Variants in SMC1B observed in about 807,000 individuals in gnomAD.
SMC1B encodes the protein structural maintenance of chromosomes protein 1B.
In SMC1B, 60 loss-of-function variants were observed where a neutral mutation model predicts 157.9. That is an observed-to-expected ratio of 0.38 (90% CI 0.31 to 0.47). The LOEUF is 0.47. Among genes scored for constraint, SMC1B ranks in the 20% least tolerant of loss-of-function variants. The probability of loss-of-function intolerance (pLI) is 0.99; values close to 1 mark genes in which losing one functional copy is unlikely to be tolerated. For missense variants in SMC1B, 1,165 were observed against 1,426.2 expected (o/e 0.82, Z 2.95); for synonymous variants, 445 against 483.0 (o/e 0.92, Z 1.03).
At chr22:45,401,740 G>A (rs1052960328) in intron 5 of SMC1B, among the ~76,000 whole-genome samples, 1 of 152,178 alleles carries the variant, frequency 6.6e-6, no homozygotes, top group African/African-American at 2.4e-5. Flanking sequence ...CCCTCTCTCT[G>A]CATGAGAAAG....
chr22:45,401,292 G>T (rs775602237), intron 5 of SMC1B, among the ~76,000 whole-genome samples: 5 of 152,174 alleles, frequency 3.3e-5, no homozygotes, highest in Non-Finnish European at 7.3e-5. Context: ...ACGAAAAGCA[G>T]CCCCAAAATC....
intron 23 of SMC1B, among the ~76,000 whole-genome samples, chr22:45,347,207 T>C (rs920525068): frequency 1.3e-4 from 20 of 152,236 alleles, no homozygotes; most frequent in African/African-American, 4.3e-4. Context: ...CCTGTTTCCT[T>C]CCCAGCTACC....
At chr22:45,371,987 G>A (rs540159490) in intron 13 of SMC1B, among the ~76,000 whole-genome samples, 168 bp downstream of exon 13, 120 of 151,744 alleles carry the variant, frequency 7.9e-4, no homozygotes, top group African/African-American at 2.8e-3. Context: ...AGGTTGCAGC[G>A]AACAGAAATA....
At chr22:45,378,256 T>C (rs1306088273) in intron 12 of SMC1B, among the ~76,000 whole-genome samples, 2 of 152,206 alleles carry the variant, frequency 1.3e-5, no homozygotes, top group Non-Finnish European at 2.9e-5. Context: ...CAAAACTATC[T>C]ACAAATACAC....
At chr22:45,402,234 A>T in intron 5 of SMC1B, 99 bp downstream of exon 5, 1 of 869,668 alleles carries the variant, frequency 1.1e-6, no homozygotes, top group Non-Finnish European at 1.8e-6. Flanking sequence ...CAAAGTAAAA[A>T]GCTTATTTTT....
intron 12 of SMC1B, among the ~76,000 whole-genome samples, chr22:45,378,698 T>C (rs1443059801): frequency 6.6e-6 from 1 of 152,324 alleles, no homozygotes; most frequent in South Asian, 2.1e-4. Flanking sequence ...AGAGTGATTT[T>C]CCAACTCCTG....
chr22:45,389,712 A>G lies in SMC1B; in HGVS notation c.1731T>C (p.Asp577=), dbSNP rs773846878. ...PETFLALDYL[D]IKPINERLRE... The stretch of plus-strand genomic sequence containing the variant: ...ATACCAGGCATTACAAAGTTCTTAC[A>G]TCAAGGTAATCTAGAGCGAGGAATG... The change falls in exon 10 of 25, where the codon GAT becomes GAC. Residue 577 remains aspartate, a splice_region_variant and synonymous_variant. Coordinates refer to ENST00000357450, the MANE Select transcript of SMC1B (RefSeq NM_148674.5). The G allele has an allele frequency of 1.2e-6, 2 of 1,612,400 alleles. No individual in the cohort carries two copies. The highest frequency in any genetic ancestry group is 1.7e-6 in the Non-Finnish European group (2 of 1,179,128).
chr22:45,371,758 T>C (rs764309896), intron 13 of SMC1B, among the ~76,000 whole-genome samples, 171 bp from the exon 14 acceptor site: 4 of 152,156 alleles, frequency 2.6e-5, no homozygotes, highest in South Asian at 2.1e-4. Flanking sequence ...TATAATATAA[T>C]CTCAATCATG....
chr22:45,389,994 C>A, intron 9 of SMC1B, 97 bp from the exon 10 acceptor site: 1 of 1,015,378 alleles, frequency 9.8e-7, no homozygotes, highest in Non-Finnish European at 1.4e-6. Context: ...CAGACAAAAA[C>A]TAATTTTATA....
chr22:45,392,190 C>T lies in SMC1B; in HGVS notation c.1545+1444G>A, dbSNP rs1188066003. On this transcript the variant is annotated intron_variant, in intron 9 of 24. Coordinates refer to ENST00000357450, the MANE Select transcript of SMC1B (RefSeq NM_148674.5). ...TCTCAAACTCCTGACCTCAAGTGAT[C>T]CATCCACTTCGGCCTCCCAAAGCGC... is the stretch of plus-strand genomic sequence containing the variant. Among the ~76,000 whole-genome samples the T allele has an allele frequency of 2.6e-5, 4 of 152,078 alleles. No homozygotes were observed. In the East Asian group the frequency reaches 7.7e-4, roughly 29 times the overall value.
At chr22:45,358,087 C>T (rs1387440836) in intron 19 of SMC1B, among the ~76,000 whole-genome samples, 1 of 152,180 alleles carries the variant, frequency 6.6e-6, no homozygotes. Context: ...TGAAGAGCTT[C>T]CAGGTTGGTG....
chr22:45,351,214 ATTT>A (rs2086612306), intron 22 of SMC1B, among the ~76,000 whole-genome samples: 1 of 152,032 alleles, frequency 6.6e-6, no homozygotes, highest in Non-Finnish European at 1.5e-5. Context: ...AATTTACCTT[ATTT>A]ATTATCTGCC....
rs1246557506 is a variant in SMC1B at position 45,352,478 on chromosome 22, G to C, written c.3398C>G (p.Ala1133Gly). 6.2e-7 allele frequency: 1 copy of C among 1,613,820 alleles called. No individual in the cohort carries two copies. Residue 1133 changes from alanine to glycine, a missense_variant, in exon 22 of 25, where the codon GCC becomes GGC. By Grantham distance (60) the Ala-to-Gly change is moderately conservative. Transcript: ENST00000357450. ...GTGCACAGCAAACAGGAGAGCCAAG[G>C]CTGCCACACACTTTTCTCCCCCTGA... ...NLSGGEKCVA[A>G]LALLFAVHSF...
At chr22:45,376,267 G>T (rs930490449) in intron 12 of SMC1B, among the ~76,000 whole-genome samples, 2 of 152,096 alleles carry the variant, frequency 1.3e-5, no homozygotes, top group African/African-American at 4.8e-5. Flanking sequence ...CCTCCTTTCT[G>T]TCTCTTATGA....
chr22:45,345,682 T>C (rs1192477975), intron 23 of SMC1B, 113 bp from the exon 24 acceptor site: 5 of 633,800 alleles, frequency 7.9e-6, no homozygotes, highest in African/African-American at 1.8e-5. Flanking sequence ...CAAGGACTTA[T>C]CCACCTTTCC....
At chr22:45,412,576 G>A (rs2087355564) in intron 1 of SMC1B, among the ~76,000 whole-genome samples, 2 of 137,416 alleles carry the variant, frequency 1.5e-5, no homozygotes, top group Admixed American at 1.7e-4. Context: ...GCGTGTCCTT[G>A]GCTCACTGCA....
chr22:45,380,250 G>C (rs1388066388), intron 12 of SMC1B, among the ~76,000 whole-genome samples: 1 of 152,106 alleles, frequency 6.6e-6, no homozygotes, highest in Non-Finnish European at 1.5e-5. Context: ...AGGGCAGGTA[G>C]CTTAGCATTG....
intron 18 of SMC1B, among the ~76,000 whole-genome samples, chr22:45,359,103 G>A (rs2086696843): frequency 6.6e-6 from 1 of 152,136 alleles, no homozygotes; most frequent in Admixed American, 6.6e-5. Context: ...TGCAATATCT[G>A]TGAAGTAGAA....
intron 5 of SMC1B, among the ~76,000 whole-genome samples, chr22:45,401,042 T>C (rs1341238284): frequency 1.3e-5 from 2 of 152,176 alleles, no homozygotes; most frequent in Middle Eastern, 6.3e-3. Context: ...AAATGTAATA[T>C]GGTATTCTGG....
Sources: gnomAD v4.1 joint callset for allele counts (sites outside exome capture counted in the v4.1 genomes callset) on GRCh38, gnomAD v4.1.1 for gene constraint, MANE v1.5 for transcripts, NCBI Gene and HGNC (gene_info 2026-07-23, HGNC 2026-07-21) for gene names.